Variants in NUP88 observed in about 807,000 individuals in gnomAD.
NUP88 encodes nucleoporin 88, also known as nuclear pore complex protein Nup88.
NUP88 carries 57 observed loss-of-function variants against 93.9 expected under a neutral mutation model. The observed-to-expected ratio is 0.61, with a 90% CI of 0.49 to 0.76. The LOEUF (loss-of-function observed/expected upper bound fraction) is 0.76. Among genes scored for constraint, NUP88 ranks in the 30% least tolerant of loss-of-function variants. The pLI is 0.00. For synonymous variants in NUP88, 346 were observed against 336.8 expected (o/e 1.03, Z -0.30); for missense variants, 911 against 901.0 (o/e 1.01, Z -0.14).
intron 1 of NUP88, chr17:5,418,303 T>TA (rs1218184452): frequency 2.6e-5 from 4 of 152,150 alleles, no homozygotes; most frequent in African/African-American, 9.7e-5. Context: ...GCCCAGGCTG[T>TA]AGTGCAGGGG....
rs1442136984 is a variant in NUP88 at position 5,388,799 on chromosome 17, T to C, written c.1643+3A>G. The C allele has an allele frequency of 9.9e-6, 16 of 1,612,798 alleles. No individual in the cohort carries two copies. Among genetic ancestry groups the C allele is most frequent in the Non-Finnish European group, 1.4e-5 (16 of 1,179,444 alleles). ...TAAAACCGCTATGCCCAAGGTTGCA[T>C]ACTTCAAAAATGCTGGATTGGCAAC... On this transcript the variant is annotated splice_donor_region_variant and intron_variant, in intron 11 of 16. Coordinates refer to ENST00000573584, the MANE Select transcript of NUP88 (RefSeq NM_002532.6).
chr17:5,410,152 A>T (rs930008927), intron 4 of NUP88, among the ~76,000 whole-genome samples: 1 of 152,230 alleles, frequency 6.6e-6, no homozygotes, highest in African/African-American at 2.4e-5. Context: ...TGGGTGCTGT[A>T]TTGAAACAGG....
intron 12 of NUP88, 47 bp downstream of exon 12, chr17:5,387,732 C>T (rs374345734): frequency 6.2e-7 from 1 of 1,608,016 alleles, no homozygotes; most frequent in Non-Finnish European, 8.5e-7. Flanking sequence ...CATACAGCAT[C>T]AGCTACCAGC....
In NUP88 at chr17:5,387,061, CAGAG is replaced by C. The variant is rs1207019589; in HGVS notation, c.1962_1965del (p.Ser655IlefsTer6). 14 of 1,614,026 alleles carry C rather than the reference CAGAG, an allele frequency of 8.7e-6. No individual in the cohort carries two copies. Among genetic ancestry groups the C allele is most frequent in the East Asian group, 2.2e-5 (1 of 44,878 alleles). ...TCTTTCTTCATGTCTCGCTCACTAT[CAGAG>C]AGAACTGGGAGCTCAGAGTGAAAAC... is the stretch of plus-strand genomic sequence containing the variant. On this transcript the variant is annotated frameshift_variant, in exon 15 of 17. Transcript: ENST00000573584. LOFTEE classifies it high-confidence loss of function.
chr17:5,405,246 AAAG>A lies in NUP88; in HGVS notation c.858-6_858-4del, dbSNP rs760297687. The stretch of plus-strand genomic sequence containing the variant: ...ACAGCTTTCCAATATTTCCAGGGCT[AAAG>A]AAGGAGTAAAAACATATTTGGGAAA... On this transcript the variant is annotated splice_polypyrimidine_tract_variant and splice_region_variant and intron_variant, in intron 5 of 16. Transcript: ENST00000573584. 9 of 1,610,752 alleles carry A rather than the reference AAAG, an allele frequency of 5.6e-6. No individual in the cohort carries two copies. The highest frequency in any genetic ancestry group is 4.5e-5 in the East Asian group (2 of 44,800).
intron 1 of NUP88, among the ~76,000 whole-genome samples, chr17:5,417,509 C>T (rs1914222922): frequency 6.6e-6 from 1 of 151,882 alleles, no homozygotes; most frequent in Admixed American, 6.6e-5. Flanking sequence ...ATGACAAGGG[C>T]AGACCCAGCC....
At chr17:5,402,182 C>G (rs1485971535) in intron 7 of NUP88, among the ~76,000 whole-genome samples, 1 of 152,134 alleles carries the variant, frequency 6.6e-6, no homozygotes, top group South Asian at 2.1e-4. Context: ...TGGCGCATGA[C>G]TATAATCCCA....
chr17:5,408,927 A>C lies in NUP88; in HGVS notation c.681-18T>G. 6.5e-7 allele frequency: 1 copy of C among 1,530,668 alleles called. No individual in the cohort carries two copies. Among genetic ancestry groups the C allele is most frequent in the Non-Finnish European group, 8.8e-7 (1 of 1,141,778 alleles). The allele number at this position is 1,530,668 out of a possible 1,614,324, so 94.8% of individuals were successfully genotyped here. ...ACGCCCTTCTGGAAAGAGATGTAAA[A>C]ACCAACTTGTTAAAAACAAAAACAA... On this transcript the variant is annotated intron_variant, in intron 4 of 16. Coordinates refer to ENST00000573584, the MANE Select transcript of NUP88 (RefSeq NM_002532.6).
chr17:5,416,741 T>C lies in NUP88; in HGVS notation c.298-59A>G, dbSNP rs916912753. ...ATTTTAATTTAAATATAGGTGGCAG[T>C]TACTTGAAATCACAGTAATACTTAG... On this transcript the variant is annotated intron_variant, in intron 1 of 16. Transcript: ENST00000573584. 2.2e-6 allele frequency: 3 copies of C among 1,356,656 alleles called. No individual in the cohort carries two copies. In the African/African-American group the frequency reaches 4.8e-5, roughly 22 times the overall value. 84.0% of individuals were successfully genotyped at this position (1,356,656 alleles called of 1,614,324 possible). A position where few individuals can be genotyped will look rare whatever the true frequency, so the allele number is the denominator to read the frequency against.
intron 11 of NUP88, chr17:5,388,423 T>TTC (rs1912192703): frequency 6.1e-6 from 1 of 163,008 alleles, no homozygotes; most frequent in South Asian, 1.7e-4. Context: ...GTAGCTGGGA[T>TTC]TACAGGCATC....
chr17:5,413,119 C>A (rs1275225810), intron 3 of NUP88, among the ~76,000 whole-genome samples: 1 of 152,204 alleles, frequency 6.6e-6, no homozygotes, highest in Non-Finnish European at 1.5e-5. Flanking sequence ...CTGGGACTAC[C>A]GGCACATGCC....
At chr17:5,416,167 G>GTATATATATATATATATATATATA (rs377002927) in intron 2 of NUP88, among the ~76,000 whole-genome samples, 2 of 47,850 alleles carry the variant, frequency 4.2e-5, no homozygotes, top group African/African-American at 8.4e-5. Context: ...AAAAAAAAAA[G>GTATATATATATATATATATATATA]TATATATATA....
intron 2 of NUP88, among the ~76,000 whole-genome samples, chr17:5,415,028 T>C (rs1332199563): frequency 6.6e-6 from 1 of 151,490 alleles, no homozygotes. Flanking sequence ...TTTTATTTGT[T>C]TATTTATTTG....
At chr17:5,397,982 C>CA (rs1567569553) in intron 8 of NUP88, among the ~76,000 whole-genome samples, 4 of 147,098 alleles carry the variant, frequency 2.7e-5, no homozygotes, top group African/African-American at 1.0e-4. Context: ...GACTCGAATA[C>CA]AGCAGTCTCT....
In NUP88 at chr17:5,387,602, T is replaced by C; in HGVS notation, c.1835+3A>G. ...TTGTATTCTTCTTATTTTTGACACT[T>C]ACCTCTCTTCTCGACAATAACTGAG... On this transcript the variant is annotated splice_donor_region_variant and intron_variant, in intron 13 of 16. Transcript: ENST00000573584. 1 of 1,611,936 alleles carries C rather than the reference T, an allele frequency of 6.2e-7. No homozygotes were observed.
chr17:5,400,666 A>C (rs1913104304), intron 7 of NUP88, among the ~76,000 whole-genome samples: 1 of 152,218 alleles, frequency 6.6e-6, no homozygotes, highest in Non-Finnish European at 1.5e-5. Context: ...AGCTCTGTAG[A>C]AAACCTATGC....
intron 16 of NUP88, 85 bp downstream of exon 16, chr17:5,386,623 G>C: frequency 3.3e-6 from 3 of 908,856 alleles, no homozygotes; most frequent in Non-Finnish European, 1.8e-6. Context: ...CCAAGATTCA[G>C]GTTTCTATTA....
chr17:5,386,348 T>C, intron 16 of NUP88, 79 bp from the exon 17 acceptor site: 1 of 1,110,578 alleles, frequency 9.0e-7, no homozygotes, highest in Non-Finnish European at 1.3e-6. Flanking sequence ...AAACTGGTAA[T>C]GTTGAAACAT....
intron 2 of NUP88, among the ~76,000 whole-genome samples, chr17:5,415,664 T>C (rs992902714): frequency 6.6e-6 from 1 of 152,194 alleles, no homozygotes; most frequent in African/African-American, 2.4e-5. Context: ...TTACCCATCA[T>C]AATGTTGAAA....
Sources: allele counts gnomAD v4.1 joint callset (sites outside exome capture counted in the v4.1 genomes callset), GRCh38; gene constraint gnomAD v4.1.1; transcripts MANE v1.5; gene names NCBI Gene and HGNC (gene_info 2026-07-23, HGNC 2026-07-21).